MIR2052HG: variants seen among roughly 807,000 people sequenced by gnomAD.
MIR2052HG encodes the protein MIR2052 host gene.
At chr8:74,615,462 T>C (rs1474691462) in intron 2 of MIR2052HG, among the ~76,000 whole-genome samples, 2 of 152,202 alleles carry the variant, frequency 1.3e-5, no homozygotes, top group Non-Finnish European at 2.9e-5. Context: ...GCCATGTTCC[T>C]TTTAGTCCAG....
At chr8:74,609,384 C>T (rs2114056) in intron 1 of MIR2052HG, among the ~76,000 whole-genome samples, 109,014 of 151,750 alleles carry the variant, frequency 0.72, 39,694 homozygotes, top group African/African-American at 0.85. Context: ...GAAATAAAGC[C>T]AATGCTATAC....
At chr8:74,611,382 T>C (rs998668096) in intron 1 of MIR2052HG, among the ~76,000 whole-genome samples, 23 of 152,078 alleles carry the variant, frequency 1.5e-4, no homozygotes, top group Non-Finnish European at 2.1e-4. Flanking sequence ...TATAAAGCAG[T>C]AAAACTATTT....
chr8:74,661,972 A>G (rs1327989527), intron 2 of MIR2052HG, among the ~76,000 whole-genome samples: 1 of 152,258 alleles, frequency 6.6e-6, no homozygotes, highest in Non-Finnish European at 1.5e-5. Flanking sequence ...ATTACCAGTG[A>G]CAAAAATATA....
chr8:74,663,264 T>C (rs921612426), intron 2 of MIR2052HG, among the ~76,000 whole-genome samples: 37 of 152,136 alleles, frequency 2.4e-4, no homozygotes, highest in African/African-American at 8.0e-4. Context: ...GCTGGAGTAA[T>C]GACAAAGTTT....
At chr8:74,633,564 A>G (rs932696013) in intron 2 of MIR2052HG, among the ~76,000 whole-genome samples, 4 of 152,230 alleles carry the variant, frequency 2.6e-5, no homozygotes, top group African/African-American at 9.6e-5. Context: ...ATGACGGCAG[A>G]GATTGATTTC....
chr8:74,604,676 T>C (rs1182565679), intron 1 of MIR2052HG, among the ~76,000 whole-genome samples: 8 of 139,490 alleles, frequency 5.7e-5, no homozygotes, highest in Non-Finnish European at 1.1e-4. Context: ...TCACTGCAAC[T>C]TCCGTCTCCC....
intron 4 of MIR2052HG, among the ~76,000 whole-genome samples, chr8:74,742,207 TA>T (rs1164607792): frequency 6.6e-6 from 1 of 152,170 alleles, no homozygotes; most frequent in Non-Finnish European, 1.5e-5. Flanking sequence ...AAGATTGGTT[TA>T]AGGGGGAGTT....
rs56266817 is a variant in MIR2052HG at position 74,755,745 on chromosome 8, G to T, written n.465-2366G>T. Among the ~76,000 whole-genome samples the T allele has an allele frequency of 6.2e-3, 938 of 152,230 alleles. 9 individuals are homozygous for T. Among genetic ancestry groups the T allele is most frequent in the African/African-American group, 0.02 (839 of 41,546 alleles). On this transcript the variant is annotated intron_variant and non_coding_transcript_variant, in intron 5 of 6. Coordinates refer to ENST00000523442, the Ensembl canonical transcript of MIR2052HG. ...TATGGACATGATTATGTTTGTCTGAGAACTCTTCAAGCGGCCACTTGAGAT... is the reference window on the plus strand; with the variant it reads ...TATGGACATGATTATGTTTGTCTGATAACTCTTCAAGCGGCCACTTGAGAT...
chr8:74,701,984 A>G (rs1252646960), intron 2 of MIR2052HG, among the ~76,000 whole-genome samples: 5 of 152,106 alleles, frequency 3.3e-5, no homozygotes, highest in Admixed American at 6.6e-5. Context: ...GAGGCATTGC[A>G]TTGATATAAT....
rs535752420 is a variant in MIR2052HG at position 74,667,471 on chromosome 8, T to C, written n.217-34908T>C. Among the ~76,000 whole-genome samples, 29 of 152,358 alleles carry C rather than the reference T, an allele frequency of 1.9e-4. No homozygotes were observed. In the South Asian group the frequency reaches 5.8e-3, roughly 30 times the overall value. ...AAGGGAATGTAAATGAATATGGCAT[T>C]ATTTTTACATTTATTTTAATAATCT... is the stretch of plus-strand genomic sequence containing the variant. On this transcript the variant is annotated intron_variant and non_coding_transcript_variant, in intron 2 of 6. Transcript: ENST00000523442.
intron 4 of MIR2052HG, among the ~76,000 whole-genome samples, chr8:74,719,612 A>C (rs1809553796): frequency 6.6e-6 from 1 of 151,822 alleles, no homozygotes. Flanking sequence ...CTGATCTTTT[A>C]TTTATTTGGC....
rs1233709098 is a variant in MIR2052HG, at chr8:74,679,545, T to C, written n.217-22834T>C. 1.3e-4 allele frequency among the ~76,000 whole-genome samples: 20 copies of C among 149,074 alleles called. No individual in the cohort carries two copies. The Admixed American group carries it at 1.3e-3, about 10-fold the overall frequency. On this transcript the variant is annotated intron_variant and non_coding_transcript_variant, in intron 2 of 6. Transcript: ENST00000523442. ...ACTATTATTATTATTATTATTATTA[T>C]TATTATTATTATTATTATTGCCCAG... is the stretch of plus-strand genomic sequence containing the variant.
At chr8:74,600,377 G>C (rs1442763055) in intron 1 of MIR2052HG, among the ~76,000 whole-genome samples, 3 of 151,364 alleles carry the variant, frequency 2.0e-5, no homozygotes, top group African/African-American at 7.3e-5. Context: ...TTGAGGTCAG[G>C]AGTTCGAGAC....
intron 2 of MIR2052HG, among the ~76,000 whole-genome samples, chr8:74,621,266 T>G (rs1808357610): frequency 1.3e-5 from 2 of 152,134 alleles, no homozygotes; most frequent in African/African-American, 4.8e-5. Flanking sequence ...CCTGTCTTCT[T>G]CTGAGTCCTC....
chr8:74,606,800 T>C (rs925853065), intron 1 of MIR2052HG, among the ~76,000 whole-genome samples: 3 of 108,610 alleles, frequency 2.8e-5, no homozygotes, highest in African/African-American at 9.2e-5. Context: ...AATCTGCTCA[T>C]GCACCCCTGA....
At chr8:74,670,305 T>C (rs1024023930) in intron 2 of MIR2052HG, among the ~76,000 whole-genome samples, 13 of 138,910 alleles carry the variant, frequency 9.4e-5, no homozygotes, top group Admixed American at 2.7e-4. Context: ...GCTTGGTGAC[T>C]GTTGCCTCAA....
intron 4 of MIR2052HG, among the ~76,000 whole-genome samples, chr8:74,719,850 T>TTTC (rs1554577791): frequency 4.3e-5 from 1 of 23,266 alleles, no homozygotes; most frequent in African/African-American, 6.6e-4. Context: ...TTCTTTTTTC[T>TTTC]TTTTTTTTTT....
chr8:74,747,268 G>C (rs1052963565), intron 4 of MIR2052HG, among the ~76,000 whole-genome samples: 1 of 152,146 alleles, frequency 6.6e-6, no homozygotes, highest in Non-Finnish European at 1.5e-5. Flanking sequence ...CAACGTAACT[G>C]TTTCATAAGC....
chr8:74,668,627 G>T (rs1808957783), intron 2 of MIR2052HG, among the ~76,000 whole-genome samples: 2 of 152,130 alleles, frequency 1.3e-5, no homozygotes, highest in African/African-American at 2.4e-5. Flanking sequence ...GTGGAATGTT[G>T]TGATGTGCCA....
Sources: gnomAD v4.1 joint callset for allele counts (sites outside exome capture counted in the v4.1 genomes callset) on GRCh38, gnomAD v4.1.1 for gene constraint, MANE v1.5 for transcripts, NCBI Gene and HGNC (gene_info 2026-07-23, HGNC 2026-07-21) for gene names.